CEP135: variants seen among roughly 807,000 people sequenced by gnomAD.
The protein encoded by CEP135 is centrosomal protein 135.
CEP135 carries 142 observed loss-of-function variants against 157.3 expected under a neutral mutation model. That is an observed-to-expected ratio of 0.90 (90% CI 0.79 to 1.04). CEP135 has a LOEUF of 1.04. Ranked by LOEUF, CEP135 falls within the 50% of genes least tolerant of loss-of-function variation. The pLI is 0.00. For missense variants in CEP135, 1,317 were observed against 1,309.2 expected (o/e 1.01, Z -0.09); for synonymous variants, 396 against 439.8 (o/e 0.90, Z 1.25).
chr4:55,971,701 A>G (rs1249977581), intron 10 of CEP135, among the ~76,000 whole-genome samples: 1 of 152,202 alleles, frequency 6.6e-6, no homozygotes, highest in East Asian at 1.9e-4. Context: ...ACTAAAGGGA[A>G]GGCTATTTTG....
intron 23 of CEP135, 90 bp downstream of exon 23, chr4:56,019,645 T>G: frequency 2.8e-6 from 3 of 1,079,944 alleles, no homozygotes; most frequent in Non-Finnish European, 4.0e-6. Context: ...GTTAAGAGTA[T>G]GAAAGATAGG....
At position 56,011,523 on chromosome 4, in the gene CEP135, G is replaced by C; in HGVS notation, c.2616+1G>C. 2 of 1,583,588 alleles carry C rather than the reference G, an allele frequency of 1.3e-6. No individual in the cohort carries two copies. The highest frequency in any genetic ancestry group is 1.7e-6 in the Non-Finnish European group (2 of 1,163,720). The stretch of plus-strand genomic sequence containing the variant: ...ATGGGAGAGCTTAATGGCTGCCAAG[G>C]TGAAAAATATTATTTAGGTTGGATT... On this transcript the variant is annotated splice_donor_variant, in intron 20 of 25. Coordinates refer to ENST00000257287, the MANE Select transcript of CEP135 (RefSeq NM_025009.5). LOFTEE classifies it high-confidence loss of function.
intron 25 of CEP135, among the ~76,000 whole-genome samples, chr4:56,025,910 A>T (rs1226560317): frequency 6.6e-6 from 1 of 151,380 alleles, no homozygotes; most frequent in East Asian, 1.9e-4. Context: ...TGAAAATCAA[A>T]AAAAAAAAAA....
At chr4:55,951,278 T>C (rs1560394184) in intron 1 of CEP135, among the ~76,000 whole-genome samples, 2 of 152,196 alleles carry the variant, frequency 1.3e-5, no homozygotes, top group African/African-American at 4.8e-5. Context: ...AATCACAGGG[T>C]TATAGTCCAG....
rs1014920648 is a variant in CEP135 at position 55,999,348 on chromosome 4, C to T, written c.2056C>T (p.Arg686Ter). 1.4e-5 allele frequency: 22 copies of T among 1,613,928 alleles called. No individual in the cohort carries two copies. Among genetic ancestry groups the T allele is most frequent in the Admixed American group, 1.7e-5 (1 of 60,000 alleles). ...LQRSVDDYQHRLSIKRGELES... is the reference protein window; with the variant it reads ...LQRSVDDYQH ...GCGGTCAGTTGATGACTATCAGCAC[C>T]GACTTTCCATAAAAAGAGGTGAACT... The change falls in exon 16 of 26, where the codon CGA (arginine) becomes TGA (stop). Residue 686 changes from arginine to a stop codon, truncating the protein, a stop_gained. Transcript: ENST00000257287. LOFTEE classifies it high-confidence loss of function.
intron 14 of CEP135, among the ~76,000 whole-genome samples, chr4:55,989,149 TG>T (rs1729704442): frequency 6.6e-6 from 1 of 152,236 alleles, no homozygotes; most frequent in African/African-American, 2.4e-5. Flanking sequence ...AGGAAAAAAT[TG>T]GATCCTAACT....
intron 25 of CEP135, among the ~76,000 whole-genome samples, chr4:56,025,308 A>T (rs1731121168): frequency 6.6e-6 from 1 of 152,224 alleles, no homozygotes; most frequent in Non-Finnish European, 1.5e-5. Flanking sequence ...ATTTAAAAAG[A>T]GAAGACATCT....
At position 55,999,157 on chromosome 4, in the gene CEP135, A is replaced by G. The variant is rs542778041; in HGVS notation, c.2010-145A>G. On this transcript the variant is annotated intron_variant, in intron 15 of 25. Transcript: ENST00000257287. ...GCAAGAAATAATAATATATAATGCC[A>G]TAGATTATACTGGAGGAGCTTTAAA... 3.4e-5 allele frequency: 21 copies of G among 625,248 alleles called. No homozygotes were observed. The African/African-American group carries it at 3.5e-4, about 11-fold the overall frequency. 38.7% of individuals were successfully genotyped at this position (625,248 alleles called of 1,614,324 possible).
chr4:56,008,175 G>T, intron 17 of CEP135, 152 bp from the exon 18 acceptor site: 1 of 559,462 alleles, frequency 1.8e-6, no homozygotes, highest in Non-Finnish European at 3.1e-6. Flanking sequence ...AAGTATGATT[G>T]GGACATGGAG....
intron 17 of CEP135, among the ~76,000 whole-genome samples, chr4:56,000,948 A>T (rs1730147619): frequency 6.6e-6 from 1 of 152,156 alleles, no homozygotes; most frequent in South Asian, 2.1e-4. Flanking sequence ...AAAGCATTCT[A>T]ACTGGGGTGA....
intron 25 of CEP135, among the ~76,000 whole-genome samples, chr4:56,025,888 A>G (rs1456843721): frequency 6.6e-6 from 1 of 151,144 alleles, no homozygotes; most frequent in Non-Finnish European, 1.5e-5. Context: ...GAACACATCC[A>G]GGTAACCTGC....
intron 25 of CEP135, among the ~76,000 whole-genome samples, chr4:56,030,772 T>C (rs746873875): frequency 6.6e-6 from 1 of 152,030 alleles, no homozygotes; most frequent in Non-Finnish European, 1.5e-5. Context: ...CTTGTTATAA[T>C]GCAGTATCAC....
chr4:55,952,374 T>A, intron 2 of CEP135, 131 bp downstream of exon 2: 1 of 614,374 alleles, frequency 1.6e-6, no homozygotes, highest in Non-Finnish European at 2.9e-6. Context: ...GCTTATCTGT[T>A]TTTTCCCTGT....
At position 56,011,446 on chromosome 4, in the gene CEP135, A is replaced by G. The variant is rs1271685605; in HGVS notation, c.2540A>G (p.Glu847Gly). The G allele has an allele frequency of 1.2e-6, 2 of 1,612,456 alleles. No individual in the cohort carries two copies. Among genetic ancestry groups the G allele is most frequent in the Non-Finnish European group, 1.7e-6 (2 of 1,179,540 alleles). The part of the protein sequence containing the change: ...ISLELEAAVQ[E>G]KEEMKSRVHK... Reference sequence around the variant, plus strand: ...TTGGAATTGGAAGCAGCAGTGCAAGAAAAAGAAGAAATGAAGAGCAGAGTT... The same window carrying G: ...TTGGAATTGGAAGCAGCAGTGCAAGGAAAAGAAGAAATGAAGAGCAGAGTT... The change falls in exon 20 of 26, where the codon GAA (glutamate) becomes GGA (glycine). Residue 847 changes from glutamate (E) to glycine (G), a missense_variant. Transcript: ENST00000257287.
chr4:55,997,999 C>A (rs1274981822), intron 15 of CEP135, among the ~76,000 whole-genome samples: 1 of 152,216 alleles, frequency 6.6e-6, no homozygotes, highest in Non-Finnish European at 1.5e-5. Context: ...CTCCCTACCT[C>A]TTGATCATCA....
intron 11 of CEP135, 65 bp from the exon 12 acceptor site, chr4:55,980,075 CTCA>C: frequency 8.0e-7 from 1 of 1,250,344 alleles, no homozygotes. Flanking sequence ...TTCAGTCAAT[CTCA>C]TCATCAGTAT....
At chr4:55,975,385 C>G (rs1729167925) in intron 11 of CEP135, among the ~76,000 whole-genome samples, 1 of 152,180 alleles carries the variant, frequency 6.6e-6, no homozygotes, top group South Asian at 2.1e-4. Context: ...GAAGGTGTGT[C>G]ACATTCTACT....
At chr4:56,025,906 T>TAA (rs1187040532) in intron 25 of CEP135, among the ~76,000 whole-genome samples, 2 of 126,188 alleles carry the variant, frequency 1.6e-5, no homozygotes, top group Non-Finnish European at 3.4e-5. Context: ...TGCATGAAAA[T>TAA]CAAAAAAAAA....
chr4:56,020,568 A>G, intron 23 of CEP135, 108 bp from the exon 24 acceptor site: 1 of 798,474 alleles, frequency 1.3e-6, no homozygotes, highest in Non-Finnish European at 2.1e-6. Context: ...AGTTTAGAGA[A>G]TTCTTGTTGA....
Sources: gnomAD v4.1 joint callset for allele counts (sites outside exome capture counted in the v4.1 genomes callset) on GRCh38, gnomAD v4.1.1 for gene constraint, MANE v1.5 for transcripts, NCBI Gene and HGNC (gene_info 2026-07-23, HGNC 2026-07-21) for gene names.